PEPD: variants seen among roughly 807,000 people sequenced by gnomAD.
PEPD encodes the protein peptidase D.
Under a neutral mutation model 60.7 loss-of-function variants are expected in PEPD, and 53 were observed. The observed-to-expected ratio is 0.87, with a 90% CI of 0.70 to 1.10. PEPD has a LOEUF of 1.10. Among genes scored for constraint, PEPD ranks in the 50% least tolerant of loss-of-function variants. The pLI is 0.00. For missense variants in PEPD, 711 were observed against 711.9 expected (o/e 1.00, Z 0.01); for synonymous variants, 267 against 284.1 (o/e 0.94, Z 0.60).
intron 9 of PEPD, among the ~76,000 whole-genome samples, chr19:33,460,354 T>C (rs1969903517): frequency 6.6e-6 from 1 of 152,134 alleles, no homozygotes; most frequent in Admixed American, 6.5e-5. Context: ...GAGAGGGAGC[T>C]CGAGGCGGAA....
chr19:33,428,371 C>T (rs1969196698), intron 9 of PEPD, among the ~76,000 whole-genome samples: 1 of 152,170 alleles, frequency 6.6e-6, no homozygotes, highest in African/African-American at 2.4e-5. Context: ...AGCCCACCCA[C>T]TTCTAGCACC....
Position 33,468,256 on chromosome 19 carries a change from A to G in PEPD, c.549-4194T>C, listed in dbSNP as rs559669209. Reference sequence around the variant, plus strand: ...ATGACTTACCTGCACCAAAGCTCCCAAAGGCCCACCCGTGACTCTCACAAA... The same window carrying G: ...ATGACTTACCTGCACCAAAGCTCCCGAAGGCCCACCCGTGACTCTCACAAA... On this transcript the variant is annotated intron_variant, in intron 7 of 14. Coordinates refer to ENST00000244137, the MANE Select transcript of PEPD (RefSeq NM_000285.4). 5.3e-5 allele frequency among the ~76,000 whole-genome samples: 8 copies of G among 152,312 alleles called. No individual in the cohort carries two copies. In the East Asian group the frequency reaches 1.4e-3, roughly 26 times the overall value.
At chr19:33,512,541 A>G in intron 2 of PEPD, 52 bp downstream of exon 2, 1 of 1,563,022 alleles carries the variant, frequency 6.4e-7, no homozygotes, top group South Asian at 1.1e-5. Context: ...CCTGCTCAGG[A>G]CAGCAGCACC....
chr19:33,397,520 C>T (rs189614157), intron 12 of PEPD, among the ~76,000 whole-genome samples: 12 of 151,918 alleles, frequency 7.9e-5, no homozygotes, highest in Admixed American at 3.9e-4. Context: ...GCCTGCCCCA[C>T]GGGCCTTCAC....
chr19:33,500,055 C>T (rs932931133), intron 4 of PEPD, among the ~76,000 whole-genome samples: 4 of 152,252 alleles, frequency 2.6e-5, no homozygotes, highest in Admixed American at 2.0e-4. Context: ...CTTAGCATGG[C>T]CGACACATAA....
At position 33,468,782 on chromosome 19, in the gene PEPD, T is replaced by A. The variant is rs542949043; in HGVS notation, c.549-4720A>T. Among the ~76,000 whole-genome samples, 241 of 152,264 alleles carry A rather than the reference T, an allele frequency of 1.6e-3. 1 individual carries two copies. The highest frequency in any genetic ancestry group is 5.6e-3 in the African/African-American group (232 of 41,580). On this transcript the variant is annotated intron_variant, in intron 7 of 14. Coordinates refer to ENST00000244137, the MANE Select transcript of PEPD (RefSeq NM_000285.4). ...ACAAGCCCAGGGAGACTTTCTCGAA[T>A]GAACGCCCTTTCTCTCGGCGGAGGC... is the stretch of plus-strand genomic sequence containing the variant.
At chr19:33,466,475 A>G (rs761500553) in intron 7 of PEPD, among the ~76,000 whole-genome samples, 3 of 152,252 alleles carry the variant, frequency 2.0e-5, no homozygotes, top group Non-Finnish European at 2.9e-5. Context: ...TTAAACTTCT[A>G]TGGCTTTAGA....
chr19:33,448,071 A>G (rs769843377), intron 9 of PEPD, among the ~76,000 whole-genome samples: 2 of 152,164 alleles, frequency 1.3e-5, no homozygotes, highest in Non-Finnish European at 2.9e-5. Context: ...CCTGGATGAA[A>G]CCATTCATGT....
chr19:33,494,783 G>A (rs757747956), intron 4 of PEPD, among the ~76,000 whole-genome samples: 1 of 152,154 alleles, frequency 6.6e-6, no homozygotes, highest in Admixed American at 6.5e-5. Context: ...GCCTGAGTCT[G>A]GTTAAAAAAT....
intron 9 of PEPD, among the ~76,000 whole-genome samples, chr19:33,419,748 C>A (rs527764970): frequency 6.6e-6 from 1 of 152,216 alleles, no homozygotes; most frequent in Non-Finnish European, 1.5e-5. Flanking sequence ...GACCTTGCAC[C>A]CATGCACAAG....
intron 6 of PEPD, 150 bp downstream of exon 6, chr19:33,489,846 T>C (rs948850591): frequency 3.2e-6 from 2 of 624,772 alleles, no homozygotes; most frequent in African/African-American, 1.9e-5. Context: ...TTTTGGCAAA[T>C]TATGCTTCTA....
At chr19:33,469,030 G>A (rs1469734764) in intron 7 of PEPD, among the ~76,000 whole-genome samples, 2 of 152,130 alleles carry the variant, frequency 1.3e-5, no homozygotes, top group South Asian at 2.1e-4. Flanking sequence ...CCTCTATGAC[G>A]CCAGCCCGGG....
At chr19:33,439,805 T>A (rs1193767088) in intron 9 of PEPD, among the ~76,000 whole-genome samples, 1 of 152,192 alleles carries the variant, frequency 6.6e-6, no homozygotes, top group Non-Finnish European at 1.5e-5. Flanking sequence ...TACAGGGTGC[T>A]GCCACCCTTA....
At chr19:33,485,750 A>G (rs1484933485) in intron 6 of PEPD, among the ~76,000 whole-genome samples, 2 of 152,204 alleles carry the variant, frequency 1.3e-5, no homozygotes, top group African/African-American at 2.4e-5. Context: ...ATTGTCTTCA[A>G]ATATGCAGGG....
intron 7 of PEPD, among the ~76,000 whole-genome samples, chr19:33,469,760 T>C (rs1364851092): frequency 6.6e-6 from 1 of 152,124 alleles, no homozygotes; most frequent in Non-Finnish European, 1.5e-5. Context: ...CTACGCTGCC[T>C]GCCAGGCCCT....
intron 2 of PEPD, chr19:33,511,508 GC>G: frequency 2.8e-6 from 1 of 354,776 alleles, no homozygotes; most frequent in South Asian, 2.3e-5. Flanking sequence ...CAGGCAAGAC[GC>G]CCCCCGGATT....
At chr19:33,504,182 G>A (rs933852487) in intron 3 of PEPD, among the ~76,000 whole-genome samples, 7 of 152,216 alleles carry the variant, frequency 4.6e-5, no homozygotes, top group South Asian at 2.1e-4. Flanking sequence ...CCATTTAAAC[G>A]TCATCCTAAG....
chr19:33,422,058 C>G (rs1047515261), intron 9 of PEPD, among the ~76,000 whole-genome samples: 1 of 152,088 alleles, frequency 6.6e-6, no homozygotes, highest in Non-Finnish European at 1.5e-5. Context: ...GGCTTCCCAT[C>G]GGCAGCCCAC....
chr19:33,403,695 T>C (rs991771264), intron 11 of PEPD, among the ~76,000 whole-genome samples: 1 of 152,200 alleles, frequency 6.6e-6, no homozygotes, highest in African/African-American at 2.4e-5. Context: ...AAAACTTGAA[T>C]GCACGGCCAG....
Sources: allele counts gnomAD v4.1 joint callset (sites outside exome capture counted in the v4.1 genomes callset), GRCh38; gene constraint gnomAD v4.1.1; transcripts MANE v1.5; gene names NCBI Gene and HGNC (gene_info 2026-07-23, HGNC 2026-07-21).